ADAMTS3: variants seen among roughly 807,000 people sequenced by gnomAD.
ADAMTS3 encodes A disintegrin and metalloproteinase with thrombospondin motifs 3.
In ADAMTS3, 73 loss-of-function variants were observed where a neutral mutation model predicts 129.0. The ratio of observed to expected loss-of-function variants is 0.57; its 90% CI spans 0.47 to 0.69. The LOEUF (loss-of-function observed/expected upper bound fraction) is 0.69. ADAMTS3 is among the 30% of genes least tolerant of loss of function. The pLI is 0.00. For synonymous variants in ADAMTS3, 477 were observed against 510.8 expected, an observed-to-expected ratio of 0.93 and a Z score of 0.89; for missense variants, 1,457 against 1,514.5, an observed-to-expected ratio of 0.96 and a Z score of 0.63.
At chr4:72,361,187 T>C (rs546003526) in intron 4 of ADAMTS3, among the ~76,000 whole-genome samples, 115 of 152,302 alleles carry the variant, frequency 7.6e-4, no homozygotes, top group African/African-American at 2.7e-3. Context: ...ATGGAAATTA[T>C]ACATTTTTTA....
chr4:72,515,425 T>C (rs1173214744), intron 3 of ADAMTS3, among the ~76,000 whole-genome samples: 1 of 151,972 alleles, frequency 6.6e-6, no homozygotes, highest in Non-Finnish European at 1.5e-5. Flanking sequence ...ACTTCCACAA[T>C]GGTTGAACTA....
Position 72,548,471 on chromosome 4 carries a change from G to T in ADAMTS3, c.504+7C>A. The T allele has an allele frequency of 6.2e-7, 1 of 1,612,548 alleles. No individual in the cohort carries two copies. Among genetic ancestry groups the T allele is most frequent in the Non-Finnish European group, 8.5e-7 (1 of 1,179,028 alleles). On this transcript the variant is annotated splice_region_variant and intron_variant, in intron 3 of 21. Transcript: ENST00000286657. ...CAAACATACGCACAAAACAGAAGGA[G>T]TCTTACCAGACCATCACAGTTGCTG...
intron 3 of ADAMTS3, among the ~76,000 whole-genome samples, chr4:72,430,832 A>G (rs1044571694): frequency 4.6e-5 from 7 of 151,592 alleles, no homozygotes; most frequent in African/African-American, 1.7e-4. Flanking sequence ...ATCATTAAAA[A>G]AAAAAAAACT....
chr4:72,471,431 G>T (rs1040842503), intron 3 of ADAMTS3, among the ~76,000 whole-genome samples: 6 of 151,924 alleles, frequency 3.9e-5, no homozygotes, highest in Non-Finnish European at 8.8e-5. Flanking sequence ...TATGCTTTTG[G>T]ATTCCACATT....
intron 3 of ADAMTS3, among the ~76,000 whole-genome samples, chr4:72,534,963 C>T (rs979763601): frequency 6.6e-6 from 1 of 152,108 alleles, no homozygotes; most frequent in Non-Finnish European, 1.5e-5. Context: ...ACAAAGTCTT[C>T]TCTCATTTTT....
At chr4:72,562,073 C>T (rs1295765090) in intron 2 of ADAMTS3, among the ~76,000 whole-genome samples, 1 of 152,044 alleles carries the variant, frequency 6.6e-6, no homozygotes, top group East Asian at 1.9e-4. Context: ...TGAGTCTTCT[C>T]GCAGTACTAA....
chr4:72,530,987 G>A (rs1721027486), intron 3 of ADAMTS3, among the ~76,000 whole-genome samples: 1 of 150,080 alleles, frequency 6.7e-6, no homozygotes, highest in Admixed American at 6.8e-5. Flanking sequence ...GAATTTAATG[G>A]GAAGCCACTG....
At chr4:72,495,406 G>A (rs1180838265) in intron 3 of ADAMTS3, among the ~76,000 whole-genome samples, 5 of 151,984 alleles carry the variant, frequency 3.3e-5, no homozygotes, top group African/African-American at 7.3e-5. Flanking sequence ...CAGATGGGGT[G>A]GGGTTCAATC....
chr4:72,304,799 A>G (rs1719042311), intron 16 of ADAMTS3, among the ~76,000 whole-genome samples: 1 of 152,092 alleles, frequency 6.6e-6, no homozygotes, highest in Admixed American at 6.6e-5. Context: ...TGTTACTACA[A>G]TTATTGAAAA....
chr4:72,408,625 C>A (rs1722108324), intron 4 of ADAMTS3, among the ~76,000 whole-genome samples: 1 of 151,784 alleles, frequency 6.6e-6, no homozygotes, highest in South Asian at 2.1e-4. Context: ...GATTATTAAA[C>A]CTCCAGAAAC....
intron 4 of ADAMTS3, among the ~76,000 whole-genome samples, chr4:72,394,906 T>C (rs1721687326): frequency 6.6e-6 from 1 of 151,776 alleles, no homozygotes; most frequent in African/African-American, 2.4e-5. Flanking sequence ...CCTTTTAGTC[T>C]CCAACATATA....
chr4:72,430,416 A>G (rs975088099), intron 3 of ADAMTS3, among the ~76,000 whole-genome samples: 7 of 151,948 alleles, frequency 4.6e-5, no homozygotes, highest in Admixed American at 2.6e-4. Context: ...TGCTCTCATG[A>G]CAGTCCAAGC....
At chr4:72,544,357 A>G (rs1262418397) in intron 3 of ADAMTS3, among the ~76,000 whole-genome samples, 2 of 152,140 alleles carry the variant, frequency 1.3e-5, no homozygotes, top group Non-Finnish European at 2.9e-5. Flanking sequence ...CAATCTCTCT[A>G]TATTTCTAAT....
chr4:72,428,770 G>T (rs762136314), intron 3 of ADAMTS3, among the ~76,000 whole-genome samples: 1 of 151,860 alleles, frequency 6.6e-6, no homozygotes, highest in African/African-American at 2.4e-5. Flanking sequence ...AGTTTTACTA[G>T]ATAATCTCTA....
At chr4:72,489,798 G>T (rs1430964709) in intron 3 of ADAMTS3, among the ~76,000 whole-genome samples, 3 of 151,704 alleles carry the variant, frequency 2.0e-5, no homozygotes, top group Admixed American at 2.0e-4. Context: ...TATATATAGG[G>T]TTCATTACTT....
chr4:72,384,935 A>G (rs1203386581), intron 4 of ADAMTS3, among the ~76,000 whole-genome samples: 1 of 152,110 alleles, frequency 6.6e-6, no homozygotes, highest in Non-Finnish European at 1.5e-5. Context: ...TTGGGAGGCC[A>G]AGGCGGGCGG....
chr4:72,348,085 A>T (rs1278723031), intron 4 of ADAMTS3, among the ~76,000 whole-genome samples: 1 of 151,998 alleles, frequency 6.6e-6, no homozygotes. Context: ...AACACTTGCC[A>T]TTTATTCTGT....
At chr4:72,550,790 A>C (rs1474082685) in intron 2 of ADAMTS3, among the ~76,000 whole-genome samples, 1 of 152,174 alleles carries the variant, frequency 6.6e-6, no homozygotes, top group African/African-American at 2.4e-5. Context: ...ACGGGTGCAG[A>C]GTGACAGAGG....
At chr4:72,321,658 G>A (rs909126302) in intron 6 of ADAMTS3, among the ~76,000 whole-genome samples, 5 of 151,918 alleles carry the variant, frequency 3.3e-5, no homozygotes, top group South Asian at 2.1e-4. Flanking sequence ...TATTTTTTAC[G>A]ATCCAGAATT....
Sources: allele counts gnomAD v4.1 joint callset (sites outside exome capture counted in the v4.1 genomes callset), GRCh38; gene constraint gnomAD v4.1.1; transcripts MANE v1.5; gene names NCBI Gene and HGNC (gene_info 2026-07-23, HGNC 2026-07-21).